KCNIP3: variants seen among roughly 807,000 people sequenced by gnomAD.
KCNIP3 encodes calsenilin.
A neutral mutation model predicts 35.0 loss-of-function variants in KCNIP3; 28 were observed. The observed-to-expected ratio is 0.80, with a 90% CI of 0.59 to 1.10. The LOEUF (loss-of-function observed/expected upper bound fraction) is 1.10. Among genes scored for constraint, KCNIP3 ranks in the 50% least tolerant of loss-of-function variants. KCNIP3 has a pLI of 0.00. For missense variants in KCNIP3, 295 were observed against 338.4 expected, an observed-to-expected ratio of 0.87 and a Z score of 1.01; for synonymous variants, 134 against 133.8, an observed-to-expected ratio of 1.00 and a Z score of -0.01.
At position 95,349,273 on chromosome 2, in the gene KCNIP3, C is replaced by T. The variant is rs147850092; in HGVS notation, c.182-25023C>T. The stretch of plus-strand genomic sequence containing the variant: ...CCTGGATGTGAGCTATCCTCAGTGC[C>T]ACTGGGGGCCGGAAGGGGACTGTTG... On this transcript the variant is annotated intron_variant, in intron 2 of 8. Coordinates refer to ENST00000295225, the MANE Select transcript of KCNIP3 (RefSeq NM_013434.5). Among the ~76,000 whole-genome samples the T allele has an allele frequency of 7.9e-5, 12 of 152,282 alleles. No individual in the cohort carries two copies. The East Asian group carries it at 2.3e-3, about 30-fold the overall frequency.
intron 1 of KCNIP3, among the ~76,000 whole-genome samples, chr2:95,297,895 A>G (rs1677915446): frequency 6.6e-6 from 1 of 152,180 alleles, no homozygotes; most frequent in Non-Finnish European, 1.5e-5. Context: ...CCTGGGAGGG[A>G]GTCACTTGTG....
intron 2 of KCNIP3, among the ~76,000 whole-genome samples, chr2:95,318,612 G>T (rs558058233): frequency 4.5e-4 from 69 of 152,132 alleles, no homozygotes; most frequent in Non-Finnish European, 7.8e-4. Flanking sequence ...TCCCTCCTCT[G>T]CCTGCACCCG....
chr2:95,302,823 C>A (rs1429611584), intron 1 of KCNIP3, among the ~76,000 whole-genome samples: 1 of 152,184 alleles, frequency 6.6e-6, no homozygotes, highest in African/African-American at 2.4e-5. Context: ...TGCCCTGCCC[C>A]CAACTAGCCG....
At chr2:95,317,269 C>T (rs1295791516) in intron 2 of KCNIP3, among the ~76,000 whole-genome samples, 1 of 152,248 alleles carries the variant, frequency 6.6e-6, no homozygotes, top group Non-Finnish European at 1.5e-5. Context: ...ATCACACCCT[C>T]AGCTGATAAT....
intron 2 of KCNIP3, among the ~76,000 whole-genome samples, chr2:95,320,796 G>A (rs1302587078): frequency 2.0e-5 from 3 of 152,050 alleles, no homozygotes; most frequent in African/African-American, 4.8e-5. Flanking sequence ...CCCTGAATTG[G>A]AGGGAGGATG....
In KCNIP3 at chr2:95,358,236, C is replaced by T. The variant is rs558419604; in HGVS notation, c.182-16060C>T. On this transcript the variant is annotated intron_variant, in intron 2 of 8. Transcript: ENST00000295225. ...ACTGGTGCAGCTCAGAGAGGTTTCA[C>T]AGGCTTCACCCATGGGGTGGCGAAA... Among the ~76,000 whole-genome samples the T allele has an allele frequency of 4.6e-5, 7 of 152,310 alleles. No homozygotes were observed. The East Asian group carries it at 9.7e-4, about 21-fold the overall frequency.
chr2:95,367,272 TA>T (rs951390934), intron 2 of KCNIP3, among the ~76,000 whole-genome samples: 9 of 152,118 alleles, frequency 5.9e-5, no homozygotes, highest in African/African-American at 2.2e-4. Context: ...AACTCTGTCT[TA>T]AAAAAATAAT....
rs3076105 is a variant in KCNIP3 at position 95,340,338 on chromosome 2, AAAACAAAC to A, written c.181+29837_181+29844del. 1.3e-4 allele frequency among the ~76,000 whole-genome samples: 20 copies of A among 150,708 alleles called. No individual in the cohort carries two copies. The East Asian group carries it at 2.4e-3, about 18-fold the overall frequency. On this transcript the variant is annotated intron_variant, in intron 2 of 8. Transcript: ENST00000295225. ...GCAAAAAGGGTGAAACTCCATCTCAAAAACAAACAAACAAACAAACAAACAACAACAAC... is the reference window on the plus strand; with the variant it reads ...GCAAAAAGGGTGAAACTCCATCTCAAAAACAAACAAACAAACAACAACAAC...
rs568412047 is a variant in KCNIP3 at position 95,379,297 on chromosome 2, C to T, written c.448-2299C>T. On this transcript the variant is annotated intron_variant, in intron 5 of 8. Transcript: ENST00000295225. ...TCCATTGCGATGATCTTTTCCTTTCCTTTGCCTACGGTTAACATTGGTCCT... is the reference window on the plus strand; with the variant it reads ...TCCATTGCGATGATCTTTTCCTTTCTTTTGCCTACGGTTAACATTGGTCCT... Among the ~76,000 whole-genome samples, 241 of 152,310 alleles carry T rather than the reference C, an allele frequency of 1.6e-3. 1 individual carries two copies. Among genetic ancestry groups the T allele is most frequent in the Admixed American group, 2.9e-3 (45 of 15,298 alleles).
chr2:95,363,411 G>C (rs950320), intron 2 of KCNIP3, among the ~76,000 whole-genome samples: 120,159 of 152,072 alleles, frequency 0.79, 47,713 homozygotes, highest in Non-Finnish European at 0.82. Context: ...CCTCCTACAC[G>C]TCACTCTCTT....
At chr2:95,324,878 T>C (rs1435895980) in intron 2 of KCNIP3, among the ~76,000 whole-genome samples, 7 of 152,092 alleles carry the variant, frequency 4.6e-5, no homozygotes, top group Non-Finnish European at 8.8e-5. Flanking sequence ...GCCACTGCAC[T>C]CCAGCCTGGG....
rs1227412231 is a variant in KCNIP3, at chr2:95,377,506, A to T, written c.447+2298A>T. Among the ~76,000 whole-genome samples the T allele has an allele frequency of 6.6e-6, 1 of 152,196 alleles. No homozygotes were observed. The highest frequency in any genetic ancestry group is 1.5e-5 in the Non-Finnish European group (1 of 68,028). ...CTCTTGTGCACCTTCACCTGGAAGT[A>T]TGCTGTGTCACTGGAGCCCTCACCC... On this transcript the variant is annotated intron_variant, in intron 5 of 8. Transcript: ENST00000295225. The surrounding 1 kb of genome is among the most constrained non-coding windows in gnomAD (Gnocchi z 4.7).
At chr2:95,348,689 C>T (rs1475268927) in intron 2 of KCNIP3, among the ~76,000 whole-genome samples, 2 of 152,154 alleles carry the variant, frequency 1.3e-5, no homozygotes, top group East Asian at 1.9e-4. Context: ...ATGGTTTATT[C>T]CACCTGCCAA....
intron 1 of KCNIP3, 48 bp from the exon 2 acceptor site, chr2:95,310,307 C>A: frequency 1.2e-6 from 2 of 1,611,126 alleles, no homozygotes; most frequent in Non-Finnish European, 1.7e-6. Flanking sequence ...TCCAGGGGTC[C>A]CCCCTCTGAG....
intron 2 of KCNIP3, among the ~76,000 whole-genome samples, chr2:95,344,275 G>A (rs557847174): frequency 4.7e-5 from 4 of 85,086 alleles, no homozygotes; most frequent in Non-Finnish European, 6.9e-5. Context: ...GTGGCGGGGT[G>A]GGGGGGGGCA....
intron 2 of KCNIP3, among the ~76,000 whole-genome samples, chr2:95,326,232 CAT>C (rs1011175389): frequency 5.2e-5 from 7 of 134,974 alleles, no homozygotes; most frequent in African/African-American, 1.8e-4. Context: ...TACACATACA[CAT>C]ACACACACAC....
At chr2:95,325,418 C>T (rs1558763421) in intron 2 of KCNIP3, among the ~76,000 whole-genome samples, 1 of 152,196 alleles carries the variant, frequency 6.6e-6, no homozygotes, top group Non-Finnish European at 1.5e-5. Flanking sequence ...CAGGGGACGT[C>T]CCAGCAGCTT....
rs1680492491 is a variant in KCNIP3 at position 95,385,939 on chromosome 2, C to T, written c.*1890C>T. Reference sequence around the variant, plus strand: ...GCCCAACCAGGAGGGGTCTGCCTCCCACGCTGGGACACAGACCGGCCGCAT... The same window carrying T: ...GCCCAACCAGGAGGGGTCTGCCTCCTACGCTGGGACACAGACCGGCCGCAT... On this transcript the variant is annotated 3_prime_UTR_variant, in exon 9 of 9. Coordinates refer to ENST00000295225, the MANE Select transcript of KCNIP3 (RefSeq NM_013434.5). The T allele has an allele frequency of 6.6e-6, 1 of 152,460 alleles. No individual in the cohort carries two copies. The highest frequency in any genetic ancestry group is 1.5e-5 in the Non-Finnish European group (1 of 68,088). 9.4% of individuals were successfully genotyped at this position (152,460 alleles called of 1,614,324 possible).
rs1462335381 is a variant in KCNIP3, at chr2:95,378,615, G to A, written c.448-2981G>A. On this transcript the variant is annotated intron_variant, in intron 5 of 8. Coordinates refer to ENST00000295225, the MANE Select transcript of KCNIP3 (RefSeq NM_013434.5). The surrounding 1 kb of genome is among the most constrained non-coding windows in gnomAD (Gnocchi z 4.0). ...AAAAAAATTAGCTGGGCATGGTGGC[G>A]GGTGCCTATAATTCCAGCTGCTTGG... Among the ~76,000 whole-genome samples, 3 of 151,496 alleles carry A rather than the reference G, an allele frequency of 2.0e-5. No individual in the cohort carries two copies. Among genetic ancestry groups the A allele is most frequent in the Non-Finnish European group, 4.4e-5 (3 of 67,894 alleles).
Sources: allele counts gnomAD v4.1 joint callset (sites outside exome capture counted in the v4.1 genomes callset), GRCh38; gene constraint gnomAD v4.1.1; non-coding constraint Gnocchi (gnomAD v3.1); transcripts MANE v1.5; gene names NCBI Gene and HGNC (gene_info 2026-07-23, HGNC 2026-07-21).